The following USP34 variants were observed in gnomAD, a reference collection of about 807,000 sequenced individuals.
The protein encoded by USP34 is ubiquitin specific peptidase 34, also known as ubiquitin carboxyl-terminal hydrolase 34.
In USP34, 70 loss-of-function variants were observed where a neutral mutation model predicts 460.3. The observed-to-expected ratio is 0.15, with a 90% confidence interval of 0.13 to 0.19. The LOEUF is 0.19. Ranked by LOEUF, USP34 falls within the 10% of genes least tolerant of loss-of-function variation. USP34 has a pLI of 1.00. For synonymous variants in USP34, 1,647 were observed against 1,405.3 expected, an observed-to-expected ratio of 1.17 and a Z score of -3.85; for missense variants, 3,985 against 4,236.2, an observed-to-expected ratio of 0.94 and a Z score of 1.65.
intron 50 of USP34, 60 bp downstream of exon 50, chr2:61,246,263 GA>G (rs1350137808): frequency 2.3e-6 from 3 of 1,325,046 alleles, no homozygotes; most frequent in Non-Finnish European, 9.8e-7. Context: ...ACTAAACACT[GA>G]AAACATATCA....
chr2:61,405,573 AG>A, intron 3 of USP34, 134 bp downstream of exon 3: 1 of 910,348 alleles, frequency 1.1e-6, no homozygotes, highest in South Asian at 2.2e-5. Flanking sequence ...AATGCTCTGG[AG>A]AAACATTAAA....
At chr2:61,356,341 T>TAA (rs1558546989) in intron 10 of USP34, among the ~76,000 whole-genome samples, 1 of 152,016 alleles carries the variant, frequency 6.6e-6, no homozygotes, top group Non-Finnish European at 1.5e-5. Flanking sequence ...ATACAAAACT[T>TAA]AGTCAGGCAC....
At chr2:61,369,117 T>C (rs1038098486) in intron 10 of USP34, among the ~76,000 whole-genome samples, 3 of 152,144 alleles carry the variant, frequency 2.0e-5, no homozygotes, top group African/African-American at 7.2e-5. Context: ...ACCAATGATA[T>C]CACTTTTCAC....
rs566390218 is a variant in USP34, at chr2:61,407,727, T to C, written c.132-1599A>G. On this transcript the variant is annotated intron_variant, in intron 2 of 79. Coordinates refer to ENST00000398571, the MANE Select transcript of USP34 (RefSeq NM_014709.4). ...CACTTCTGCCTTGCTCTTTTTTGGATCACTTACTCTAGAGGAAGCCACCTA... is the reference window on the plus strand; with the variant it reads ...CACTTCTGCCTTGCTCTTTTTTGGACCACTTACTCTAGAGGAAGCCACCTA... 1.6e-4 allele frequency among the ~76,000 whole-genome samples: 25 copies of C among 152,252 alleles called. 1 individual carries two copies. The South Asian group carries it at 5.2e-3, about 32-fold the overall frequency.
At chr2:61,257,022 CA>C in intron 46 of USP34, 29 bp downstream of exon 46, 1 of 1,461,978 alleles carries the variant, frequency 6.8e-7, no homozygotes, top group Non-Finnish European at 9.1e-7. Flanking sequence ...TTAAGATCTC[CA>C]AAAAGTAAAA....
intron 1 of USP34, among the ~76,000 whole-genome samples, chr2:61,446,512 T>C (rs1362373042): frequency 6.6e-6 from 1 of 152,200 alleles, no homozygotes; most frequent in East Asian, 1.9e-4. Flanking sequence ...TCCAGTGATG[T>C]AGGCTGGGCG....
At chr2:61,288,036 C>G (rs933216875) in intron 34 of USP34, among the ~76,000 whole-genome samples, 8 of 152,206 alleles carry the variant, frequency 5.3e-5, no homozygotes, top group Non-Finnish European at 1.2e-4. Context: ...TTTCTTCTGT[C>G]AGCATTTATC....
At chr2:61,376,204 T>G (rs1217820292) in intron 8 of USP34, among the ~76,000 whole-genome samples, 1 of 144,888 alleles carries the variant, frequency 6.9e-6, no homozygotes, top group Non-Finnish European at 1.5e-5. Context: ...GAATTTTATA[T>G]GTATTTATAT....
rs180696219 is a variant in USP34 at position 61,454,797 on chromosome 2, C to G, written c.43+15853G>C. ...CTCCTGACCTCACGTGATCCGCCCG[C>G]CTAGGCCTCCCAAAGTGCTGGGATT... On this transcript the variant is annotated intron_variant, in intron 1 of 79. Coordinates refer to ENST00000398571, the MANE Select transcript of USP34 (RefSeq NM_014709.4). Among the ~76,000 whole-genome samples, 357 of 152,076 alleles carry G rather than the reference C, an allele frequency of 2.3e-3. 1 individual carries two copies. The highest frequency in any genetic ancestry group is 8.4e-3 in the African/African-American group (350 of 41,454).
At chr2:61,253,315 T>G (rs1384108346) in intron 48 of USP34, among the ~76,000 whole-genome samples, 1 of 152,182 alleles carries the variant, frequency 6.6e-6, no homozygotes, top group Non-Finnish European at 1.5e-5. Context: ...AATTAGAGAT[T>G]CTCCAAAGAA....
chr2:61,388,600 C>CA lies in USP34; in HGVS notation c.754-5265dup, dbSNP rs201685308. 4.5e-4 allele frequency among the ~76,000 whole-genome samples: 68 copies of CA among 151,620 alleles called. 1 individual carries two copies. The East Asian group carries it at 9.9e-3, about 22-fold the overall frequency. ...TGAAACCCTGCCTCTACTAAAAATACAAAAAATTAGCCAGGCATGGTGGTG... is the reference window on the plus strand; with the variant it reads ...TGAAACCCTGCCTCTACTAAAAATACAAAAAAATTAGCCAGGCATGGTGGTG... On this transcript the variant is annotated intron_variant, in intron 5 of 79. Transcript: ENST00000398571.
chr2:61,437,002 G>A (rs983479720), intron 1 of USP34, among the ~76,000 whole-genome samples: 5 of 152,196 alleles, frequency 3.3e-5, no homozygotes, highest in Admixed American at 2.0e-4. Context: ...AAATGAAAAT[G>A]CAAATACAAC....
intron 10 of USP34, among the ~76,000 whole-genome samples, chr2:61,355,399 C>T (rs1277527014): frequency 6.6e-6 from 1 of 152,100 alleles, no homozygotes; most frequent in African/African-American, 2.4e-5. Context: ...TATTAACCTG[C>T]CTTACTAGGC....
At chr2:61,441,802 CAAAAAAAAA>C (rs70963429) in intron 1 of USP34, among the ~76,000 whole-genome samples, 1 of 97,336 alleles carries the variant, frequency 1.0e-5, no homozygotes, top group Non-Finnish European at 2.1e-5. Context: ...GACTGCATTA[CAAAAAAAAA>C]AAAAGAAAAA....
chr2:61,259,049 C>T (rs1688799312), intron 44 of USP34, among the ~76,000 whole-genome samples: 1 of 152,118 alleles, frequency 6.6e-6, no homozygotes, highest in South Asian at 2.1e-4. Flanking sequence ...CACTTGAGAT[C>T]AGGAGTTCGA....
chr2:61,256,259 G>A (rs1257063457), intron 48 of USP34, 125 bp downstream of exon 48: 8 of 814,768 alleles, frequency 9.8e-6, no homozygotes, highest in Non-Finnish European at 1.6e-5. Context: ...CCATGAGACT[G>A]AGCTCCATGC....
At chr2:61,365,944 CTATT>C (rs70963417) in intron 10 of USP34, among the ~76,000 whole-genome samples, 40 of 150,298 alleles carry the variant, frequency 2.7e-4, no homozygotes, top group Middle Eastern at 3.4e-3. Flanking sequence ...CTGGGAACAC[CTATT>C]TATTTATTTA....
chr2:61,367,492 A>G (rs1281728888), intron 10 of USP34, among the ~76,000 whole-genome samples: 1 of 152,194 alleles, frequency 6.6e-6, no homozygotes, highest in Non-Finnish European at 1.5e-5. Context: ...AAACAAGCAC[A>G]CAATGTTAGA....
chr2:61,188,743 T>C (rs1268760731), intron 79 of USP34, 34 bp from the exon 80 acceptor site: 4 of 1,598,938 alleles, frequency 2.5e-6, no homozygotes, highest in Non-Finnish European at 8.5e-7. Context: ...GAAACTTCTC[T>C]GAAAGTCATT....
Sources: gnomAD v4.1 joint callset for allele counts (sites outside exome capture counted in the v4.1 genomes callset) on GRCh38, gnomAD v4.1.1 for gene constraint, MANE v1.5 for transcripts, NCBI Gene and HGNC (gene_info 2026-07-23, HGNC 2026-07-21) for gene names.